Variants in OTUD7A observed in about 807,000 individuals in gnomAD.
The protein encoded by OTUD7A is OTU domain-containing protein 7A.
Under a neutral mutation model 65.7 loss-of-function variants are expected in OTUD7A, and 12 were observed. The ratio of observed to expected loss-of-function variants is 0.18; its 90% confidence interval spans 0.12 to 0.30. The LOEUF (loss-of-function observed/expected upper bound fraction) is 0.30. Ranked by LOEUF, OTUD7A falls within the 10% of genes least tolerant of loss-of-function variation. The pLI is 1.00. For missense variants in OTUD7A, 1,148 were observed against 1,304.8 expected, an observed-to-expected ratio of 0.88 and a Z score of 1.85; for synonymous variants, 641 against 586.3, an observed-to-expected ratio of 1.09 and a Z score of -1.35.
chr15:31,663,059 C>CT (rs56747304), intron 1 of OTUD7A, among the ~76,000 whole-genome samples: 12,838 of 145,968 alleles, frequency 0.088, 1,805 homozygotes, highest in African/African-American at 0.29. Context: ...TGTGTTAACT[C>CT]TTTTTTTTTT....
intron 3 of OTUD7A, among the ~76,000 whole-genome samples, chr15:31,628,289 C>G (rs1404829359): frequency 1.3e-5 from 2 of 152,152 alleles, no homozygotes; most frequent in African/African-American, 4.8e-5. Flanking sequence ...AAGAAGGGAT[C>G]CAGTTTCAGC....
chr15:31,865,014 C>A (rs1897842125), intron 1 of OTUD7A, among the ~76,000 whole-genome samples: 1 of 124,786 alleles, frequency 8.0e-6, no homozygotes, highest in Non-Finnish European at 1.8e-5. Context: ...AAGAGATATT[C>A]TGCCCTTGTG....
chr15:31,677,579 A>C (rs543570143), intron 1 of OTUD7A, among the ~76,000 whole-genome samples: 1 of 152,184 alleles, frequency 6.6e-6, no homozygotes, highest in South Asian at 2.1e-4. Flanking sequence ...GATGGTTTTT[A>C]TAAGTGCCTG....
At chr15:31,798,288 C>A (rs1896027111) in intron 1 of OTUD7A, among the ~76,000 whole-genome samples, 1 of 152,120 alleles carries the variant, frequency 6.6e-6, no homozygotes, top group African/African-American at 2.4e-5. Context: ...CATTTGAAGC[C>A]AAAGTTACTG....
chr15:31,802,148 T>TAC, intron 1 of OTUD7A, among the ~76,000 whole-genome samples: 1 of 151,332 alleles, frequency 6.6e-6, no homozygotes, highest in Admixed American at 6.6e-5. Flanking sequence ...TGTGTATATA[T>TAC]ATATATGTAA....
In OTUD7A at chr15:31,864,663, G is replaced by C. The variant is rs150762846; in HGVS notation, c.-100+5844C>G. On this transcript the variant is annotated intron_variant, in intron 1 of 12. Coordinates refer to ENST00000307050, the MANE Select transcript of OTUD7A (RefSeq NM_001382637.1). ...CAATTCAAGTTGAGATTTGGGTGGGGATACAGCCAAACTATATCATGGCTA... is the reference window on the plus strand; with the variant it reads ...CAATTCAAGTTGAGATTTGGGTGGGCATACAGCCAAACTATATCATGGCTA... Among the ~76,000 whole-genome samples the C allele has an allele frequency of 6.7e-3, 1,026 of 152,008 alleles. 15 individuals carry two copies. Among genetic ancestry groups the C allele is most frequent in the African/African-American group, 0.024 (989 of 41,408 alleles).
At chr15:31,660,338 T>A (rs1892127487) in intron 1 of OTUD7A, among the ~76,000 whole-genome samples, 1 of 152,216 alleles carries the variant, frequency 6.6e-6, no homozygotes, top group Non-Finnish European at 1.5e-5. Context: ...CAGACGCCAT[T>A]GTGACCTTGG....
chr15:31,645,600 T>C (rs1404236504), intron 3 of OTUD7A, among the ~76,000 whole-genome samples: 1 of 152,218 alleles, frequency 6.6e-6, no homozygotes, highest in African/African-American at 2.4e-5. Flanking sequence ...AAATATCATA[T>C]CTAAAAGTAG....
In OTUD7A at chr15:31,819,855, G is replaced by A. The variant is rs72709387; in HGVS notation, c.-100+50652C>T. 5.1e-3 allele frequency among the ~76,000 whole-genome samples: 775 copies of A among 151,720 alleles called. 4 individuals carry two copies. Among genetic ancestry groups the A allele is most frequent in the Non-Finnish European group, 7.8e-3 (532 of 67,916 alleles). ...TTTATACGTAATATCAAATATATTC[G>A]ATATATGTAATTATCAAAATTATAA... On this transcript the variant is annotated intron_variant, in intron 1 of 12. Coordinates refer to ENST00000307050, the MANE Select transcript of OTUD7A (RefSeq NM_001382637.1).
chr15:31,737,759 T>C (rs915447593), intron 1 of OTUD7A, among the ~76,000 whole-genome samples: 3 of 152,228 alleles, frequency 2.0e-5, no homozygotes, highest in African/African-American at 7.2e-5. Context: ...CTGAATGTGT[T>C]CATACGGGAC....
At position 31,484,020 on chromosome 15, in the gene OTUD7A, GGCGGCGGCA is replaced by G. The variant is rs765515065; in HGVS notation, c.2067_2075del (p.Ala694_Ala696del). 38 of 1,221,490 alleles carry G rather than the reference GGCGGCGGCA, an allele frequency of 3.1e-5. No homozygotes were observed. Among genetic ancestry groups the G allele is most frequent in the Admixed American group, 1.8e-4 (4 of 22,786 alleles). The allele number at this position is 1,221,490 out of a possible 1,614,324, so 75.7% of individuals were successfully genotyped here. A position where few individuals can be genotyped will look rare whatever the true frequency, so the allele number is the denominator to read the frequency against. On this transcript the variant is annotated inframe_deletion, in exon 13 of 13. Coordinates refer to ENST00000307050, the MANE Select transcript of OTUD7A (RefSeq NM_001382637.1). The surrounding 1 kb of genome is among the most constrained non-coding windows in gnomAD (Gnocchi z 4.5). ...GCCGCTTGGCCGTGGCGGCGGCGGC[GGCGGCGGCA>G]GCGGCGGCCGCAGTAGCGGCGTCGC...
At chr15:31,687,735 T>C (rs1420754510) in intron 1 of OTUD7A, among the ~76,000 whole-genome samples, 3 of 152,018 alleles carry the variant, frequency 2.0e-5, no homozygotes, top group East Asian at 1.9e-4. Flanking sequence ...CCACAGAAAA[T>C]GTGAAACATG....
intron 1 of OTUD7A, among the ~76,000 whole-genome samples, chr15:31,699,280 C>T (rs1246397310): frequency 2.0e-5 from 3 of 152,134 alleles, no homozygotes; most frequent in South Asian, 2.1e-4. Flanking sequence ...GGGGTTTCAC[C>T]GTGTTAGCCA....
At chr15:31,621,653 T>C (rs1054650758) in intron 3 of OTUD7A, among the ~76,000 whole-genome samples, 1 of 152,110 alleles carries the variant, frequency 6.6e-6, no homozygotes, top group African/African-American at 2.4e-5. Context: ...TTGAGCCTAT[T>C]TGTGTCTCTG....
At chr15:31,602,684 T>C (rs1217535492) in intron 3 of OTUD7A, among the ~76,000 whole-genome samples, 1 of 152,214 alleles carries the variant, frequency 6.6e-6, no homozygotes, top group Non-Finnish European at 1.5e-5. Flanking sequence ...GTAGATAACA[T>C]GATTGTATAT....
chr15:31,552,319 T>C (rs1888350924), intron 5 of OTUD7A, among the ~76,000 whole-genome samples: 1 of 152,162 alleles, frequency 6.6e-6, no homozygotes, highest in South Asian at 2.1e-4. Flanking sequence ...GCAATGCAAA[T>C]GGGCTATGAC....
At chr15:31,591,304 A>G (rs112907754) in intron 3 of OTUD7A, among the ~76,000 whole-genome samples, 273 of 152,266 alleles carry the variant, frequency 1.8e-3, no homozygotes, top group African/African-American at 6.3e-3. Flanking sequence ...TGCAGCGGAT[A>G]CATGGGGAAG....
At chr15:31,508,062 A>G (rs2041610255) in intron 8 of OTUD7A, among the ~76,000 whole-genome samples, 1 of 152,232 alleles carries the variant, frequency 6.6e-6, no homozygotes, top group African/African-American at 2.4e-5. Flanking sequence ...AGCAAGCATT[A>G]AAGGCAATGG....
intron 1 of OTUD7A, chr15:31,768,022 A>G (rs1895134430): frequency 6.3e-7 from 1 of 1,599,514 alleles, no homozygotes; most frequent in Admixed American, 1.7e-5. Context: ...CAAAATTGCT[A>G]TTATTTCTTA....
Sources: allele counts gnomAD v4.1 joint callset (sites outside exome capture counted in the v4.1 genomes callset), GRCh38; gene constraint gnomAD v4.1.1; non-coding constraint Gnocchi (gnomAD v3.1); transcripts MANE v1.5; gene names NCBI Gene and HGNC (gene_info 2026-07-23, HGNC 2026-07-21).